The following PALD1 variants were observed in gnomAD, a reference collection of about 807,000 sequenced individuals.
PALD1 encodes the protein paladin.
Under a neutral mutation model 96.0 loss-of-function variants are expected in PALD1, and 57 were observed. That is an observed-to-expected ratio of 0.59 (90% CI 0.48 to 0.74). The LOEUF (loss-of-function observed/expected upper bound fraction) is 0.74. PALD1 is among the 30% of genes least tolerant of loss of function. The pLI, the probability that PALD1 is intolerant of heterozygous loss-of-function variation, is 0.00. For synonymous variants in PALD1, 464 were observed against 473.6 expected, an observed-to-expected ratio of 0.98 and a Z score of 0.26; for missense variants, 1,063 against 1,143.7, an observed-to-expected ratio of 0.93 and a Z score of 1.02.
the PALD1 span, among the ~76,000 whole-genome samples, chr10:70,472,448 A>G: frequency 2.0e-5 from 3 of 151,802 alleles, no homozygotes; most frequent in Non-Finnish European, 4.4e-5. Context: ...TTTAGTAGAG[A>G]TGGGGTTTCA....
At chr10:70,481,087 A>G (rs548557569) in intron 1 of PALD1, among the ~76,000 whole-genome samples, 1 of 152,366 alleles carries the variant, frequency 6.6e-6, no homozygotes, top group South Asian at 2.1e-4. Flanking sequence ...GTGGACAGAC[A>G]TATAGGTAGA....
chr10:70,528,075 C>A (rs1218839005), intron 2 of PALD1, among the ~76,000 whole-genome samples: 1 of 152,208 alleles, frequency 6.6e-6, no homozygotes, highest in Non-Finnish European at 1.5e-5. Flanking sequence ...ATGATGGTTT[C>A]CACCTTCATC....
the PALD1 span, among the ~76,000 whole-genome samples, chr10:70,471,995 A>G: frequency 6.6e-6 from 1 of 152,056 alleles, no homozygotes; most frequent in African/African-American, 2.4e-5. Context: ...GGACCTTCCT[A>G]GCAAGTCTGG....
intron 1 of PALD1, among the ~76,000 whole-genome samples, chr10:70,513,260 C>A (rs80094071): frequency 0.013 from 2,043 of 152,138 alleles, 47 homozygotes; most frequent in African/African-American, 0.046. Flanking sequence ...TTTGGGAGGC[C>A]GAGGTGGGTG....
intron 1 of PALD1, among the ~76,000 whole-genome samples, chr10:70,482,651 T>G (rs1472828088): frequency 6.6e-6 from 1 of 152,146 alleles, no homozygotes; most frequent in Non-Finnish European, 1.5e-5. Context: ...AGACCTGTTG[T>G]GATTAAGAAC....
rs991400092 is a variant in PALD1 at position 70,478,908 on chromosome 10, C to A, written c.-181C>A. The stretch of plus-strand genomic sequence containing the variant: ...CTGCCCACCTCCGGAGCCACCTCTG[C>A]CCCCGCATGGGCTGGCGAAGTTGGG... On this transcript the variant is annotated 5_prime_UTR_variant, in exon 1 of 20. Coordinates refer to ENST00000263563, the MANE Select transcript of PALD1 (RefSeq NM_014431.3). 2 of 152,018 alleles carry A rather than the reference C, an allele frequency of 1.3e-5. No individual in the cohort carries two copies. The highest frequency in any genetic ancestry group is 4.8e-5 in the African/African-American group (2 of 41,418). 9.4% of individuals were successfully genotyped at this position (152,018 alleles called of 1,614,324 possible). A position where few individuals can be genotyped will look rare whatever the true frequency, so the allele number is the denominator to read the frequency against.
chr10:70,503,670 C>A (rs1323099979), intron 1 of PALD1, among the ~76,000 whole-genome samples: 3 of 152,182 alleles, frequency 2.0e-5, no homozygotes, highest in African/African-American at 7.2e-5. Context: ...AATAAAAATA[C>A]ATTGAAAATA....
intron 1 of PALD1, among the ~76,000 whole-genome samples, chr10:70,481,539 A>C (rs1007824894): frequency 2.0e-4 from 31 of 152,148 alleles, no homozygotes; most frequent in African/African-American, 6.8e-4. Flanking sequence ...TTGAATTTTG[A>C]TTCTCATCTT....
At chr10:70,557,131 C>T (rs78367860) in intron 18 of PALD1, among the ~76,000 whole-genome samples, 1 of 152,252 alleles carries the variant, frequency 6.6e-6, no homozygotes, top group Non-Finnish European at 1.5e-5. Flanking sequence ...CTGGCTGCAG[C>T]CCTGGCTCTG....
the PALD1 span, among the ~76,000 whole-genome samples, chr10:70,467,229 T>C: frequency 6.6e-6 from 1 of 152,000 alleles, no homozygotes. Context: ...CCTGGGGAGC[T>C]GGAGTTAGAA....
At chr10:70,558,470 C>T (rs1051547208) in intron 18 of PALD1, among the ~76,000 whole-genome samples, 1 of 152,150 alleles carries the variant, frequency 6.6e-6, no homozygotes, top group Non-Finnish European at 1.5e-5. Context: ...AAGTGCACTG[C>T]GCTAGGTGCT....
chr10:70,478,357 C>A (rs1256936682), upstream of PALD1, among the ~76,000 whole-genome samples: 1 of 152,188 alleles, frequency 6.6e-6, no homozygotes, highest in Non-Finnish European at 1.5e-5. Flanking sequence ...GAGGCTCGGC[C>A]TGGCTGTAAA....
At position 70,540,256 on chromosome 10, in the gene PALD1, G is replaced by A. The variant is rs981401635; in HGVS notation, c.1908+494G>A. ...GTGTGTGTGTCTCAGTTGGGGGACTGTGTATGGAGTGTGTGGGTGGTGTGT... is the reference window on the plus strand; with the variant it reads ...GTGTGTGTGTCTCAGTTGGGGGACTATGTATGGAGTGTGTGGGTGGTGTGT... On this transcript the variant is annotated intron_variant, in intron 15 of 19. Transcript: ENST00000263563. This position sits in a 1 kb window ranked among gnomAD's most constrained non-coding sequence, Gnocchi z 4.2. Among the ~76,000 whole-genome samples the A allele has an allele frequency of 6.6e-6, 1 of 151,624 alleles. No individual in the cohort carries two copies. Among genetic ancestry groups the A allele is most frequent in the Non-Finnish European group, 1.5e-5 (1 of 67,894 alleles).
At chr10:70,530,656 G>T (rs1846973234) in intron 4 of PALD1, among the ~76,000 whole-genome samples, 2 of 152,164 alleles carry the variant, frequency 1.3e-5, no homozygotes. Flanking sequence ...TGCTGCGATT[G>T]TAGGCTTCTT....
chr10:70,481,694 C>T (rs532084310), intron 1 of PALD1, among the ~76,000 whole-genome samples: 2 of 152,328 alleles, frequency 1.3e-5, no homozygotes, highest in South Asian at 2.1e-4. Flanking sequence ...ACAGGGATCC[C>T]CCAGGTGAGA....
chr10:70,519,652 G>A (rs1216498877), intron 1 of PALD1, among the ~76,000 whole-genome samples: 3 of 148,148 alleles, frequency 2.0e-5, no homozygotes, highest in South Asian at 2.1e-4. Flanking sequence ...TCAACTCACC[G>A]CAACTTCTGC....
chr10:70,529,845 C>A (rs757827719), intron 3 of PALD1, 44 bp from the exon 4 acceptor site: 7 of 1,580,508 alleles, frequency 4.4e-6, no homozygotes, highest in Middle Eastern at 1.7e-4. Context: ...CAGAAAATAC[C>A]CCTGAGCCAT....
At chr10:70,473,276 G>T in the PALD1 span, among the ~76,000 whole-genome samples, 4 of 152,198 alleles carry the variant, frequency 2.6e-5, no homozygotes, top group Non-Finnish European at 5.9e-5. Flanking sequence ...TCCGTGACTT[G>T]TCTGCCTCTC....
chr10:70,508,035 C>T (rs565828423), intron 1 of PALD1, among the ~76,000 whole-genome samples: 3 of 152,180 alleles, frequency 2.0e-5, no homozygotes, highest in South Asian at 4.1e-4. Context: ...AGGGAGTGGG[C>T]TGGACAAGAA....
Sources: gnomAD v4.1 joint callset for allele counts (sites outside exome capture counted in the v4.1 genomes callset) on GRCh38, gnomAD v4.1.1 for gene constraint, Gnocchi (gnomAD v3.1) non-coding constraint, MANE v1.5 for transcripts, NCBI Gene and HGNC (gene_info 2026-07-23, HGNC 2026-07-21) for gene names.